MDGA2: variants seen among roughly 807,000 people sequenced by gnomAD.
The protein encoded by MDGA2 is MAM domain-containing glycosylphosphatidylinositol anchor protein 2.
In MDGA2, 40 loss-of-function variants were observed where a neutral mutation model predicts 117.8. The ratio of observed to expected loss-of-function variants is 0.34; its 90% CI spans 0.26 to 0.44. MDGA2 has a LOEUF of 0.44. Among genes scored for constraint, MDGA2 ranks in the 20% least tolerant of loss-of-function variants. The probability of loss-of-function intolerance (pLI) is 1.00; values close to 1 mark genes in which losing one functional copy is unlikely to be tolerated. For synonymous variants in MDGA2, 452 were observed against 439.0 expected, an observed-to-expected ratio of 1.03 and a Z score of -0.37; for missense variants, 1,123 against 1,250.6, an observed-to-expected ratio of 0.90 and a Z score of 1.54.
chr14:47,058,917 T>C, intron 7 of MDGA2: 2 of 971,874 alleles, frequency 2.1e-6, no homozygotes, highest in Non-Finnish European at 1.2e-6. Context: ...GATGTTGCCA[T>C]AGTGAGTTTA....
intron 6 of MDGA2, among the ~76,000 whole-genome samples, chr14:47,078,610 A>T (rs1890585075): frequency 6.6e-6 from 1 of 152,220 alleles, no homozygotes; most frequent in Non-Finnish European, 1.5e-5. Context: ...AAAATTATTA[A>T]GAAAAAACTG....
chr14:47,471,129 T>C (rs1165310290), intron 1 of MDGA2, among the ~76,000 whole-genome samples: 1 of 152,130 alleles, frequency 6.6e-6, no homozygotes, highest in Non-Finnish European at 1.5e-5. Context: ...AATAAGTGTG[T>C]CTGTTTTTTT....
At chr14:47,587,999 T>C (rs1214246237) in intron 1 of MDGA2, among the ~76,000 whole-genome samples, 1 of 151,754 alleles carries the variant, frequency 6.6e-6, no homozygotes, top group Non-Finnish European at 1.5e-5. Flanking sequence ...ATGTCTGGTT[T>C]CTTTCACTTA....
At chr14:46,963,931 T>G (rs1885912034) in intron 8 of MDGA2, among the ~76,000 whole-genome samples, 1 of 152,200 alleles carries the variant, frequency 6.6e-6, no homozygotes, top group Admixed American at 6.5e-5. Flanking sequence ...CTCTTCAAAA[T>G]TCCTCCCATC....
chr14:47,603,370 A>C (rs1261293931), intron 1 of MDGA2, among the ~76,000 whole-genome samples: 3 of 152,164 alleles, frequency 2.0e-5, no homozygotes, highest in African/African-American at 4.8e-5. Flanking sequence ...TCAGTCCAAA[A>C]CATCAGAGTA....
At chr14:46,962,060 T>A (rs138180184) in intron 8 of MDGA2, among the ~76,000 whole-genome samples, 61 of 152,342 alleles carry the variant, frequency 4.0e-4, no homozygotes, top group African/African-American at 1.4e-3. Context: ...TGCTATTTGT[T>A]GCCCTTTAAA....
chr14:47,261,612 G>A (rs1415619017), intron 2 of MDGA2, among the ~76,000 whole-genome samples: 1 of 152,112 alleles, frequency 6.6e-6, no homozygotes, highest in East Asian at 1.9e-4. Context: ...GCCAAGTACA[G>A]CAGCAAAAAT....
At chr14:47,207,613 T>C (rs1265097824) in intron 3 of MDGA2, among the ~76,000 whole-genome samples, 1 of 151,970 alleles carries the variant, frequency 6.6e-6, no homozygotes, top group Non-Finnish European at 1.5e-5. Flanking sequence ...TTTTCACATA[T>C]TCCCTTCTAC....
chr14:47,017,437 A>C (rs1219034939), intron 8 of MDGA2, among the ~76,000 whole-genome samples: 2 of 152,078 alleles, frequency 1.3e-5, no homozygotes, highest in Non-Finnish European at 2.9e-5. Context: ...AATACATTCC[A>C]ATTCTATATT....
intron 1 of MDGA2, chr14:47,343,065 C>G (rs1209969782): frequency 2.3e-6 from 3 of 1,283,270 alleles, no homozygotes; most frequent in Non-Finnish European, 3.0e-6. Flanking sequence ...CGGCAGATCC[C>G]AAGGGATTCA....
chr14:47,635,148 T>A (rs1035196213), intron 1 of MDGA2, among the ~76,000 whole-genome samples: 3 of 152,276 alleles, frequency 2.0e-5, no homozygotes, highest in African/African-American at 7.2e-5. Flanking sequence ...TCGTCACTCA[T>A]TTTTAATCAC....
intron 3 of MDGA2, among the ~76,000 whole-genome samples, chr14:47,166,033 C>CTTTT (rs35219016): frequency 2.6e-5 from 3 of 115,512 alleles, no homozygotes; most frequent in Admixed American, 9.0e-5. Context: ...GCACTGTTTA[C>CTTTT]TTTTTTTTTT....
chr14:47,246,186 T>C (rs545273718), intron 2 of MDGA2, among the ~76,000 whole-genome samples: 1 of 151,982 alleles, frequency 6.6e-6, no homozygotes, highest in East Asian at 1.9e-4. Context: ...TCCATGTATT[T>C]TACAAATAAT....
chr14:47,363,605 G>C (rs983668741), intron 1 of MDGA2, among the ~76,000 whole-genome samples: 1 of 152,088 alleles, frequency 6.6e-6, no homozygotes, highest in African/African-American at 2.4e-5. Context: ...ATTTCAAACA[G>C]CTTCTGCTCA....
intron 1 of MDGA2, among the ~76,000 whole-genome samples, chr14:47,408,121 T>A (rs2138479145): frequency 7.1e-6 from 1 of 140,386 alleles, no homozygotes; most frequent in Middle Eastern, 4.0e-3. Flanking sequence ...AGTGGCACAA[T>A]CTTGGCTCAG....
At chr14:47,468,560 C>G (rs1394450472) in intron 1 of MDGA2, among the ~76,000 whole-genome samples, 2 of 152,130 alleles carry the variant, frequency 1.3e-5, no homozygotes, top group African/African-American at 4.8e-5. Context: ...TAATCCAATT[C>G]TAAACGACAC....
In MDGA2 at chr14:46,864,545, G is replaced by GTTTTTTTTTTTTTTTTTTT. The variant is rs71112467; in HGVS notation, c.2752+8869_2752+8887dup. ...TTTGTTGCGCTTTGCAGATATTGCT[G>GTTTTTTTTTTTTTTTTTTT]TTTTTTTTTTTTTTTTTTTTTTTTT... On this transcript the variant is annotated intron_variant, in intron 14 of 16. Coordinates refer to ENST00000399232, the MANE Select transcript of MDGA2 (RefSeq NM_001113498.3). Among the ~76,000 whole-genome samples the GTTTTTTTTTTTTTTTTTTT allele has an allele frequency of 9.3e-4, 48 of 51,472 alleles. 8 individuals are homozygous for GTTTTTTTTTTTTTTTTTTT. The highest frequency in any genetic ancestry group is 1.6e-3 in the Non-Finnish European group (40 of 25,448). 33.8% of individuals were successfully genotyped at this position (51,472 alleles called of 152,430 possible). A position where few individuals can be genotyped will look rare whatever the true frequency, so the allele number is the denominator to read the frequency against.
At chr14:47,376,837 T>C (rs1370342376) in intron 1 of MDGA2, among the ~76,000 whole-genome samples, 1 of 152,148 alleles carries the variant, frequency 6.6e-6, no homozygotes, top group African/African-American at 2.4e-5. Context: ...TTGAGGGGTT[T>C]CAAAATCTGC....
At chr14:47,239,371 G>A (rs918015860) in intron 2 of MDGA2, among the ~76,000 whole-genome samples, 1 of 151,564 alleles carries the variant, frequency 6.6e-6, no homozygotes, top group Non-Finnish European at 1.5e-5. Flanking sequence ...ACTTTAACAT[G>A]TCTAATATAA....
Sources: gnomAD v4.1 joint callset for allele counts (sites outside exome capture counted in the v4.1 genomes callset) on GRCh38, gnomAD v4.1.1 for gene constraint, MANE v1.5 for transcripts, NCBI Gene and HGNC (gene_info 2026-07-23, HGNC 2026-07-21) for gene names.